Variants in PGM5 observed in about 807,000 individuals in gnomAD.
PGM5 encodes phosphoglucomutase-like protein 5.
Under a neutral mutation model 59.2 loss-of-function variants are expected in PGM5, and 23 were observed. The observed-to-expected ratio is 0.39, with a 90% CI of 0.28 to 0.55. The LOEUF (loss-of-function observed/expected upper bound fraction) is 0.55. Ranked by LOEUF, PGM5 falls within the 20% of genes least tolerant of loss-of-function variation. The pLI is 0.66. For missense variants in PGM5, 574 were observed against 748.3 expected (o/e 0.77, Z 2.72); for synonymous variants, 214 against 286.0 (o/e 0.75, Z 2.54).
intron 10 of PGM5, among the ~76,000 whole-genome samples, chr9:68,514,468 G>A (rs1554689588): frequency 6.6e-6 from 1 of 152,046 alleles, no homozygotes; most frequent in African/African-American, 2.4e-5. Context: ...TGGGCATGGT[G>A]GCAGGTGCCT....
chr9:68,491,272 G>A (rs950557988), intron 9 of PGM5, among the ~76,000 whole-genome samples: 1 of 152,212 alleles, frequency 6.6e-6, no homozygotes, highest in Admixed American at 6.5e-5. Context: ...CATAGCGGGG[G>A]AAACTAGACT....
chr9:68,423,655 G>GTCTCTCTCTC lies in PGM5; in HGVS notation c.1043+31200_1043+31209dup, dbSNP rs111849049. 1.6e-3 allele frequency among the ~76,000 whole-genome samples: 238 copies of GTCTCTCTCTC among 145,914 alleles called. 2 individuals are homozygous for GTCTCTCTCTC. The highest frequency in any genetic ancestry group is 5.1e-3 in the African/African-American group (199 of 38,870). On this transcript the variant is annotated intron_variant, in intron 6 of 10. Coordinates refer to ENST00000396396, the MANE Select transcript of PGM5 (RefSeq NM_021965.4). ...TCTCTCTCTCTCTCTCTCTCTCTCT[G>GTCTCTCTCTC]TCTCTCTCTCTCTCTCTCTCTCTCT...
intron 6 of PGM5, among the ~76,000 whole-genome samples, chr9:68,424,130 T>C (rs570295730): frequency 6.6e-6 from 1 of 152,300 alleles, no homozygotes; most frequent in Admixed American, 6.5e-5. Context: ...TCTGGAAAAG[T>C]TTCCTATGAA....
intron 6 of PGM5, among the ~76,000 whole-genome samples, chr9:68,414,518 C>T (rs1398790609): frequency 3.2e-4 from 49 of 152,242 alleles, no homozygotes; most frequent in Middle Eastern, 3.4e-3. Context: ...CTGTGAACAA[C>T]CCTCCTTTCT....
chr9:68,370,459 C>T (rs1289161699), intron 1 of PGM5, among the ~76,000 whole-genome samples: 10 of 152,218 alleles, frequency 6.6e-5, no homozygotes, highest in African/African-American at 9.6e-5. Context: ...AATATTACCT[C>T]GCTGCTCTCT....
intron 6 of PGM5, among the ~76,000 whole-genome samples, chr9:68,419,401 C>A (rs181478787): frequency 2.3e-3 from 351 of 152,290 alleles, no homozygotes; most frequent in Middle Eastern, 0.014. Flanking sequence ...CTTTGCTTCT[C>A]CCCCTCCATT....
chr9:68,387,911 G>A (rs1822267098), intron 4 of PGM5, among the ~76,000 whole-genome samples: 1 of 151,984 alleles, frequency 6.6e-6, no homozygotes, highest in African/African-American at 2.4e-5. Context: ...AAAACAATCT[G>A]TACCCAACTC....
chr9:68,507,936 T>C (rs989515956), intron 10 of PGM5, among the ~76,000 whole-genome samples: 8 of 152,218 alleles, frequency 5.3e-5, no homozygotes, highest in African/African-American at 1.4e-4. Context: ...ACTCCCTTGG[T>C]TGGGAATCTG....
intron 10 of PGM5, among the ~76,000 whole-genome samples, chr9:68,504,142 G>A (rs1183270355): frequency 2.0e-5 from 3 of 152,136 alleles, no homozygotes; most frequent in East Asian, 3.8e-4. Flanking sequence ...TCCACACATC[G>A]ATCTCTGTCT....
intron 8 of PGM5, among the ~76,000 whole-genome samples, chr9:68,481,727 T>A (rs1217639182): frequency 1.3e-5 from 2 of 152,252 alleles, no homozygotes; most frequent in African/African-American, 2.4e-5. Context: ...AATACCATAT[T>A]TGAAAATAAT....
At chr9:68,477,195 C>T (rs1336781781) in intron 7 of PGM5, among the ~76,000 whole-genome samples, 1 of 152,176 alleles carries the variant, frequency 6.6e-6, no homozygotes, top group Non-Finnish European at 1.5e-5. Flanking sequence ...AACCCAGAGG[C>T]AACCACAACT....
chr9:68,375,834 A>G (rs1821865415), intron 1 of PGM5, among the ~76,000 whole-genome samples: 1 of 152,254 alleles, frequency 6.6e-6, no homozygotes. Context: ...TGATTAGCTT[A>G]CATTGAAACA....
chr9:68,417,367 G>T (rs1823051763), intron 6 of PGM5, among the ~76,000 whole-genome samples: 1 of 152,010 alleles, frequency 6.6e-6, no homozygotes, highest in Non-Finnish European at 1.5e-5. Context: ...GCTCTTTACT[G>T]CCCCCTAGAT....
chr9:68,528,091 C>T (rs1273796993), intron 10 of PGM5, among the ~76,000 whole-genome samples: 1 of 152,174 alleles, frequency 6.6e-6, no homozygotes, highest in East Asian at 1.9e-4. Context: ...TTAGGGCCCA[C>T]AAGGAACTGA....
intron 1 of PGM5, among the ~76,000 whole-genome samples, chr9:68,369,285 G>A (rs575028668): frequency 6.6e-6 from 1 of 152,210 alleles, no homozygotes; most frequent in African/African-American, 2.4e-5. Flanking sequence ...AAGTCACCCA[G>A]GCAGTAGGTG....
At chr9:68,518,946 G>C (rs1214864163) in intron 10 of PGM5, among the ~76,000 whole-genome samples, 1 of 152,166 alleles carries the variant, frequency 6.6e-6, no homozygotes, top group East Asian at 1.9e-4. Context: ...AGAAAGCCAA[G>C]CAGGATATAT....
chr9:68,526,397 C>T (rs547279739), intron 10 of PGM5, among the ~76,000 whole-genome samples: 1 of 152,222 alleles, frequency 6.6e-6, no homozygotes, highest in Non-Finnish European at 1.5e-5. Flanking sequence ...ATAAGCACCA[C>T]GGAAGCCCTC....
At chr9:68,447,792 G>A (rs1218317680) in intron 6 of PGM5, among the ~76,000 whole-genome samples, 1 of 152,156 alleles carries the variant, frequency 6.6e-6, no homozygotes, top group Non-Finnish European at 1.5e-5. Flanking sequence ...TCAGTGTACA[G>A]AGAATGGGTT....
At chr9:68,440,545 CT>C (rs1286051797) in intron 6 of PGM5, among the ~76,000 whole-genome samples, 2 of 152,094 alleles carry the variant, frequency 1.3e-5, no homozygotes, top group Non-Finnish European at 2.9e-5. Context: ...AAGAAGTTAC[CT>C]TTTATTCCTA....
Sources: allele counts gnomAD v4.1 joint callset (sites outside exome capture counted in the v4.1 genomes callset), GRCh38; gene constraint gnomAD v4.1.1; transcripts MANE v1.5; gene names NCBI Gene and HGNC (gene_info 2026-07-23, HGNC 2026-07-21).